Variants in KALRN observed in about 807,000 individuals in gnomAD.
KALRN encodes the protein kalirin RhoGEF kinase.
Under a neutral mutation model 353.7 loss-of-function variants are expected in KALRN, and 70 were observed. The observed-to-expected ratio is 0.20, with a 90% CI of 0.16 to 0.24. The LOEUF (loss-of-function observed/expected upper bound fraction) is 0.24. KALRN is among the 10% of genes least tolerant of loss of function. KALRN has a pLI of 1.00. For missense variants in KALRN, 2,791 were observed against 3,756.7 expected (o/e 0.74, Z 6.72); for synonymous variants, 1,391 against 1,434.8 (o/e 0.97, Z 0.69).
intron 6 of KALRN, among the ~76,000 whole-genome samples, chr3:124,317,397 T>C (rs1374491766): frequency 6.6e-6 from 1 of 152,212 alleles, no homozygotes; most frequent in Non-Finnish European, 1.5e-5. Flanking sequence ...ATAATGACAG[T>C]GACTTTGTCA....
chr3:124,697,350 G>A (rs1408908567), intron 54 of KALRN, among the ~76,000 whole-genome samples: 2 of 152,176 alleles, frequency 1.3e-5, no homozygotes, highest in Non-Finnish European at 2.9e-5. Context: ...CCATCAACAT[G>A]TTAGTTCCCT....
chr3:124,543,076 G>A (rs917890978), intron 33 of KALRN, among the ~76,000 whole-genome samples: 1 of 152,140 alleles, frequency 6.6e-6, no homozygotes, highest in African/African-American at 2.4e-5. Flanking sequence ...CTGCTTAAAT[G>A]TCCTCACGAC....
intron 6 of KALRN, among the ~76,000 whole-genome samples, chr3:124,305,829 T>C (rs2077643596): frequency 6.6e-6 from 1 of 150,928 alleles, no homozygotes. Flanking sequence ...AACAAAAAAA[T>C]TATGACACAT....
chr3:124,225,212 C>T (rs2078343821), intron 1 of KALRN, among the ~76,000 whole-genome samples: 1 of 152,168 alleles, frequency 6.6e-6, no homozygotes, highest in South Asian at 2.1e-4. Flanking sequence ...TTCTGAGCTG[C>T]TGGGCTAATT....
At chr3:124,518,967 G>GGAA in intron 33 of KALRN, 1 of 990,352 alleles carries the variant, frequency 1.0e-6, no homozygotes, top group Non-Finnish European at 1.2e-6. Flanking sequence ...TGAGAAAGAG[G>GGAA]GAAGAAGAAG....
At chr3:124,064,043 C>A (rs2042163213) in intron 1 of KALRN, among the ~76,000 whole-genome samples, 1 of 152,104 alleles carries the variant, frequency 6.6e-6, no homozygotes, top group African/African-American at 2.4e-5. Flanking sequence ...TTAATTTTGA[C>A]CAACATTTGT....
rs1375744614 is a variant in KALRN at position 124,723,072 on chromosome 3, C to T, written c.*3602C>T. The T allele has an allele frequency of 6.6e-6, 1 of 151,992 alleles. No homozygotes were observed. The highest frequency in any genetic ancestry group is 1.5e-5 in the Non-Finnish European group (1 of 68,004). The allele number at this position is 151,992 out of a possible 1,614,324, so 9.4% of individuals were successfully genotyped here. ...AAAAAAATGGTAATGTTGGAGATATCCTTCAGGTCTCTCTCAGCCATAAAC... is the reference window on the plus strand; with the variant it reads ...AAAAAAATGGTAATGTTGGAGATATTCTTCAGGTCTCTCTCAGCCATAAAC... On this transcript the variant is annotated 3_prime_UTR_variant, in exon 60 of 60. Coordinates refer to ENST00000682506, the MANE Select transcript of KALRN (RefSeq NM_001388419.1).
At chr3:124,270,824 G>GTTTTTTTTTTTTT (rs777615656) in intron 5 of KALRN, among the ~76,000 whole-genome samples, 5 of 78,652 alleles carry the variant, frequency 6.4e-5, no homozygotes, top group Non-Finnish European at 7.3e-5. Flanking sequence ...TTTTTGTTTT[G>GTTTTTTTTTTTTT]TTTTTTTTTT....
Position 124,582,088 on chromosome 3 carries a change from T to G in KALRN, c.5182+18999T>G, listed in dbSNP as rs376484437. 6.7e-4 allele frequency among the ~76,000 whole-genome samples: 101 copies of G among 151,006 alleles called. 1 individual carries two copies. In the East Asian group the frequency reaches 0.017, roughly 25 times the overall value. On this transcript the variant is annotated intron_variant, in intron 34 of 59. Transcript: ENST00000682506. The stretch of plus-strand genomic sequence containing the variant: ...CAGGCTGGAGTGCAATGGTGCGATC[T>G]CCGCTCACTGCAACCTCCGCCTTCC...
chr3:124,313,829 C>T (rs928884259), intron 6 of KALRN, among the ~76,000 whole-genome samples: 3 of 152,116 alleles, frequency 2.0e-5, no homozygotes, highest in Non-Finnish European at 4.4e-5. Flanking sequence ...TGACATTAGC[C>T]CTGAGGTCAA....
At chr3:124,108,331 C>A (rs1361372748) in intron 1 of KALRN, among the ~76,000 whole-genome samples, 1 of 152,178 alleles carries the variant, frequency 6.6e-6, no homozygotes, top group East Asian at 1.9e-4. Flanking sequence ...ATGTTAATAT[C>A]TCCTCCAGGA....
intron 16 of KALRN, among the ~76,000 whole-genome samples, chr3:124,434,030 A>G (rs1165035510): frequency 6.6e-6 from 1 of 152,230 alleles, no homozygotes; most frequent in Non-Finnish European, 1.5e-5. Flanking sequence ...TCTGCTACAG[A>G]AACTGAAATG....
intron 1 of KALRN, among the ~76,000 whole-genome samples, chr3:124,145,847 G>A (rs1162113079): frequency 6.6e-6 from 1 of 152,194 alleles, no homozygotes; most frequent in African/African-American, 2.4e-5. Flanking sequence ...TGGAGATGAA[G>A]CAGGTGGTAA....
intron 34 of KALRN, among the ~76,000 whole-genome samples, chr3:124,621,020 C>T (rs1326047467): frequency 6.6e-6 from 1 of 152,216 alleles, no homozygotes; most frequent in Non-Finnish European, 1.5e-5. Context: ...TAGGAGACTT[C>T]TAATTTGAAG....
Position 124,474,653 on chromosome 3 carries a change from C to G in KALRN, c.4032-10C>G, listed in dbSNP as rs374749590. 1 of 1,612,930 alleles carries G rather than the reference C, an allele frequency of 6.2e-7. No homozygotes were observed. Among genetic ancestry groups the G allele is most frequent in the Non-Finnish European group, 8.5e-7 (1 of 1,179,058 alleles). On this transcript the variant is annotated splice_polypyrimidine_tract_variant and intron_variant, in intron 25 of 59. Coordinates refer to ENST00000682506, the MANE Select transcript of KALRN (RefSeq NM_001388419.1). ...GAGGTGTCTGATTCAGTCTTTTTCT[C>G]CTCTTGCAGCATCTTCCTCAAAGAG...
intron 34 of KALRN, among the ~76,000 whole-genome samples, chr3:124,585,142 T>A (rs1364355638): frequency 6.6e-6 from 1 of 152,212 alleles, no homozygotes; most frequent in Admixed American, 6.5e-5. Context: ...GCGGAGCTGC[T>A]GTTTGGGAAC....
Position 124,488,190 on chromosome 3 carries a change from T to C in KALRN, c.4285-14T>C. 2 of 1,567,810 alleles carry C rather than the reference T, an allele frequency of 1.3e-6. No homozygotes were observed. Among genetic ancestry groups the C allele is most frequent in the Non-Finnish European group, 1.8e-6 (2 of 1,141,030 alleles). On this transcript the variant is annotated splice_polypyrimidine_tract_variant and intron_variant, in intron 28 of 59. Coordinates refer to ENST00000682506, the MANE Select transcript of KALRN (RefSeq NM_001388419.1). Reference sequence around the variant, plus strand: ...GAGATGGCCCTAATTATGTCCGGACTTTTTTTTCCCCAGGAACTTTTAACT... The same window carrying C: ...GAGATGGCCCTAATTATGTCCGGACCTTTTTTTCCCCAGGAACTTTTAACT...
intron 1 of KALRN, among the ~76,000 whole-genome samples, chr3:124,221,843 A>G (rs554519916): frequency 6.6e-6 from 1 of 152,158 alleles, no homozygotes; most frequent in East Asian, 1.9e-4. Flanking sequence ...GGAAATGGAC[A>G]CTCGGTATTT....
intron 26 of KALRN, among the ~76,000 whole-genome samples, chr3:124,476,201 AG>A (rs1213209682): frequency 6.6e-6 from 1 of 151,878 alleles, no homozygotes; most frequent in Non-Finnish European, 1.5e-5. Flanking sequence ...GAAGGGTAGA[AG>A]AAGTTGTTTG....
Sources: allele counts gnomAD v4.1 joint callset (sites outside exome capture counted in the v4.1 genomes callset), GRCh38; gene constraint gnomAD v4.1.1; transcripts MANE v1.5; gene names NCBI Gene and HGNC (gene_info 2026-07-23, HGNC 2026-07-21).